KLF12: variants seen among roughly 807,000 people sequenced by gnomAD.
KLF12 encodes KLF transcription factor 12.
KLF12 carries 9 observed loss-of-function variants against 37.8 expected under a neutral mutation model. The ratio of observed to expected loss-of-function variants is 0.24; its 90% CI spans 0.14 to 0.42. KLF12 has a LOEUF of 0.42. KLF12 is among the 10% of genes least tolerant of loss of function. KLF12 has a pLI of 1.00. For missense variants in KLF12, 411 were observed against 516.0 expected (o/e 0.80, Z 1.97); for synonymous variants, 208 against 202.1 (o/e 1.03, Z -0.25).
At chr13:73,919,724 C>G (rs1378200598) in intron 3 of KLF12, among the ~76,000 whole-genome samples, 2 of 152,114 alleles carry the variant, frequency 1.3e-5, no homozygotes, top group East Asian at 3.9e-4. Context: ...ATCCAGAAAT[C>G]TGGATATTGT....
intron 1 of KLF12, among the ~76,000 whole-genome samples, chr13:74,058,513 G>A (rs775803344): frequency 5.1e-4 from 78 of 151,618 alleles, no homozygotes; most frequent in African/African-American, 1.6e-3. Flanking sequence ...CCGCCACCAC[G>A]CCCGGCTAAT....
the KLF12 span, among the ~76,000 whole-genome samples, chr13:74,217,405 G>T: frequency 2.6e-5 from 4 of 151,642 alleles, no homozygotes; most frequent in East Asian, 7.8e-4. Context: ...AATATAAAGA[G>T]AACTAAAACA....
At chr13:73,860,670 G>A (rs1885877168) in intron 3 of KLF12, among the ~76,000 whole-genome samples, 1 of 152,088 alleles carries the variant, frequency 6.6e-6, no homozygotes, top group South Asian at 2.1e-4. Context: ...CTTGAGCCCA[G>A]AAAATCGAGG....
chr13:73,794,177 C>G (rs1164782244), intron 5 of KLF12, among the ~76,000 whole-genome samples: 1 of 152,198 alleles, frequency 6.6e-6, no homozygotes, highest in Admixed American at 6.5e-5. Flanking sequence ...AAAAAGGTGA[C>G]AGGCCGGGTG....
At chr13:73,976,785 CAG>C (rs1480173316) in intron 2 of KLF12, among the ~76,000 whole-genome samples, 1 of 152,142 alleles carries the variant, frequency 6.6e-6, no homozygotes, top group Non-Finnish European at 1.5e-5. Flanking sequence ...AGCAATGAGA[CAG>C]AGTCAATTTT....
chr13:73,972,154 T>C lies in KLF12; in HGVS notation c.33+22836A>G, dbSNP rs551578804. Reference sequence around the variant, plus strand: ...GGAAAAAACATAATATACACGAGTATGTAAAATCACAGCAACATGTTAAAA... The same window carrying C: ...GGAAAAAACATAATATACACGAGTACGTAAAATCACAGCAACATGTTAAAA... On this transcript the variant is annotated intron_variant, in intron 2 of 7. Transcript: ENST00000377669. Among the ~76,000 whole-genome samples, 3 of 152,300 alleles carry C rather than the reference T, an allele frequency of 2.0e-5. No homozygotes were observed. In the South Asian group the frequency reaches 6.2e-4, roughly 32 times the overall value.
At chr13:73,710,355 T>A (rs1566311099) in intron 7 of KLF12, among the ~76,000 whole-genome samples, 1 of 151,260 alleles carries the variant, frequency 6.6e-6, no homozygotes, top group Non-Finnish European at 1.5e-5. Flanking sequence ...GCACTTCACT[T>A]TATTGCATTT....
At chr13:74,117,890 A>G (rs548116949) in intron 1 of KLF12, among the ~76,000 whole-genome samples, 2 of 151,768 alleles carry the variant, frequency 1.3e-5, no homozygotes, top group Non-Finnish European at 2.9e-5. Context: ...CTGCCACAAA[A>G]CAGAAAACTT....
At chr13:74,041,820 T>C (rs1488759810) in intron 1 of KLF12, among the ~76,000 whole-genome samples, 1 of 152,060 alleles carries the variant, frequency 6.6e-6, no homozygotes, top group African/African-American at 2.4e-5. Context: ...TGGTCTAATA[T>C]TTCCTCTACT....
intron 3 of KLF12, among the ~76,000 whole-genome samples, chr13:73,924,679 A>T (rs1431402110): frequency 6.6e-6 from 1 of 152,174 alleles, no homozygotes; most frequent in African/African-American, 2.4e-5. Flanking sequence ...CATGTCTCTC[A>T]CTTTAAATAG....
the KLF12 span, among the ~76,000 whole-genome samples, chr13:74,298,523 A>G: frequency 6.6e-6 from 1 of 152,230 alleles, no homozygotes; most frequent in Non-Finnish European, 1.5e-5. Flanking sequence ...AGAAAGTTCT[A>G]TTGAGCAGTA....
the KLF12 span, among the ~76,000 whole-genome samples, chr13:74,222,130 G>C: frequency 6.6e-6 from 1 of 151,950 alleles, no homozygotes; most frequent in Non-Finnish European, 1.5e-5. Flanking sequence ...TGACCCTCAC[G>C]TTCTCCCTTC....
At chr13:74,276,915 TAA>T in the KLF12 span, among the ~76,000 whole-genome samples, 77 of 152,308 alleles carry the variant, frequency 5.1e-4, no homozygotes, top group African/African-American at 1.8e-3. Flanking sequence ...GTCTAGAAAA[TAA>T]AGTGACTCTA....
chr13:74,292,828 T>C, the KLF12 span, among the ~76,000 whole-genome samples: 1 of 152,226 alleles, frequency 6.6e-6, no homozygotes, highest in Non-Finnish European at 1.5e-5. Context: ...GATTTTATGT[T>C]GTATTTTTAA....
intron 6 of KLF12, among the ~76,000 whole-genome samples, chr13:73,749,420 T>G (rs1305502436): frequency 6.6e-6 from 1 of 152,140 alleles, no homozygotes; most frequent in Non-Finnish European, 1.5e-5. Context: ...AAGACTGATC[T>G]TCAAATTCAT....
chr13:73,918,751 A>C (rs1420859900), intron 3 of KLF12, among the ~76,000 whole-genome samples: 1 of 152,194 alleles, frequency 6.6e-6, no homozygotes, highest in Non-Finnish European at 1.5e-5. Flanking sequence ...TTGGCTAGAC[A>C]CTGGATTTCT....
At chr13:74,218,364 G>T in the KLF12 span, among the ~76,000 whole-genome samples, 1 of 152,282 alleles carries the variant, frequency 6.6e-6, no homozygotes, top group East Asian at 1.9e-4. Context: ...GTGCAGTTTT[G>T]TTTTGATTTA....
intron 7 of KLF12, among the ~76,000 whole-genome samples, chr13:73,699,671 G>A (rs956938683): frequency 6.6e-6 from 1 of 152,180 alleles, no homozygotes. Context: ...GAACACTGAT[G>A]AGTTACCTTC....
At chr13:74,028,149 C>G (rs998041859) in intron 1 of KLF12, among the ~76,000 whole-genome samples, 1 of 152,088 alleles carries the variant, frequency 6.6e-6, no homozygotes, top group Non-Finnish European at 1.5e-5. Flanking sequence ...GTCAAAAGCA[C>G]GTTGATAGTC....
Sources: allele counts gnomAD v4.1 joint callset (sites outside exome capture counted in the v4.1 genomes callset), GRCh38; gene constraint gnomAD v4.1.1; transcripts MANE v1.5; gene names NCBI Gene and HGNC (gene_info 2026-07-23, HGNC 2026-07-21).